The following SMARCC2 variants were observed in gnomAD, a reference collection of about 807,000 sequenced individuals.
The protein encoded by SMARCC2 is SWI/SNF complex subunit SMARCC2.
A neutral mutation model predicts 151.3 loss-of-function variants in SMARCC2; 15 were observed. The ratio of observed to expected loss-of-function variants is 0.10; its 90% CI spans 0.07 to 0.15. The LOEUF (loss-of-function observed/expected upper bound fraction) is 0.15, where lower values mean the gene tolerates loss of function less well. SMARCC2 is among the 10% of genes least tolerant of loss of function. The pLI, the probability that SMARCC2 is intolerant of heterozygous loss-of-function variation, is 1.00. For missense variants in SMARCC2, 1,031 were observed against 1,599.7 expected (o/e 0.64, Z 6.06); for synonymous variants, 590 against 609.5 (o/e 0.97, Z 0.47).
At position 56,187,311 on chromosome 12, in the gene SMARCC2, G is replaced by T; in HGVS notation, c.112-5C>A. On this transcript the variant is annotated splice_polypyrimidine_tract_variant and splice_region_variant and intron_variant, in intron 1 of 28. Coordinates refer to ENST00000550164, the MANE Select transcript of SMARCC2 (RefSeq NM_001330288.2). ...GGGTGGTTCAGCTTGTATATACTAA[G>T]GAAAAAGAGGGAAAGGAAAGAAAAA... The T allele has an allele frequency of 6.2e-7, 1 of 1,605,602 alleles. No homozygotes were observed. Among genetic ancestry groups the T allele is most frequent in the Non-Finnish European group, 8.5e-7 (1 of 1,175,066 alleles).
In SMARCC2 at chr12:56,172,506, A is replaced by C; in HGVS notation, c.1864-16T>G. ...CAGCCTTGCTCTGCAGGGGAAACAC[A>C]GGCAGGTGAGAAGAAAGGAGCCTGT... On this transcript the variant is annotated splice_polypyrimidine_tract_variant and intron_variant, in intron 19 of 28. Transcript: ENST00000550164. 6.2e-7 allele frequency: 1 copy of C among 1,606,382 alleles called. No individual in the cohort carries two copies. Among genetic ancestry groups the C allele is most frequent in the Non-Finnish European group, 8.5e-7 (1 of 1,174,942 alleles).
chr12:56,176,510 C>T (rs1364855687), intron 15 of SMARCC2, among the ~76,000 whole-genome samples: 2 of 152,140 alleles, frequency 1.3e-5, no homozygotes, highest in Non-Finnish European at 2.9e-5. Context: ...CGGAGTCTTG[C>T]TCTGTCGCCC....
chr12:56,162,459 G>T lies in SMARCC2; in HGVS notation c.*1230C>A, dbSNP rs1872003174. ...TTGAACAGAAGAAAGGTGCTAAGAC[G>T]CAGAGGGAGAGAAACATGGGGACAT... On this transcript the variant is annotated 3_prime_UTR_variant, in exon 29 of 29. Transcript: ENST00000550164. The T allele has an allele frequency of 1.7e-6, 1 of 593,222 alleles. No homozygotes were observed. Among genetic ancestry groups the T allele is most frequent in the Admixed American group, 3.1e-5 (1 of 32,246 alleles). 36.7% of individuals were successfully genotyped at this position (593,222 alleles called of 1,614,324 possible). A position where few individuals can be genotyped will look rare whatever the true frequency, so the allele number is the denominator to read the frequency against.
intron 2 of SMARCC2, among the ~76,000 whole-genome samples, chr12:56,186,448 T>C (rs1877274008): frequency 6.6e-6 from 1 of 151,678 alleles, no homozygotes; most frequent in African/African-American, 2.4e-5. Flanking sequence ...CCTCCCAGGT[T>C]CAAGCAATTC....
At chr12:56,180,528 C>T (rs1001967414) in intron 11 of SMARCC2, among the ~76,000 whole-genome samples, 7 of 151,446 alleles carry the variant, frequency 4.6e-5, no homozygotes, top group Admixed American at 6.6e-5. Context: ...CTCGGTCTCC[C>T]GAGTAGCTGG....
rs1565911167 is a variant in SMARCC2, at chr12:56,178,012, A to C, written c.1382+10T>G. 1 of 1,586,766 alleles carries C rather than the reference A, an allele frequency of 6.3e-7. No individual in the cohort carries two copies. The highest frequency in any genetic ancestry group is 8.6e-7 in the Non-Finnish European group (1 of 1,157,010). On this transcript the variant is annotated intron_variant, in intron 15 of 28. Coordinates refer to ENST00000550164, the MANE Select transcript of SMARCC2 (RefSeq NM_001330288.2). ...GGGAGAAGGAGAATCATGAGATGAG[A>C]TTTCCTTACATCTCTGGAGTCTTGG...
chr12:56,185,349 T>C (rs1877033756), intron 3 of SMARCC2: 1 of 458,862 alleles, frequency 2.2e-6, no homozygotes, highest in African/African-American at 2.0e-5. Flanking sequence ...TGGCTAATTT[T>C]TGTATTTTTA....
intron 18 of SMARCC2, 58 bp from the exon 19 acceptor site, chr12:56,172,762 G>A (rs1005728338): frequency 1.4e-5 from 22 of 1,607,228 alleles, no homozygotes; most frequent in Non-Finnish European, 1.9e-5. Context: ...GCCAGGGGCT[G>A]ACAGAGAGAA....
intron 1 of SMARCC2, among the ~76,000 whole-genome samples, chr12:56,188,131 C>G (rs973595418): frequency 6.6e-6 from 1 of 152,124 alleles, no homozygotes; most frequent in African/African-American, 2.4e-5. Flanking sequence ...AGGTAAATGA[C>G]AAAGAGCTAA....
chr12:56,184,272 A>C (rs778142296), intron 5 of SMARCC2, 28 bp from the exon 6 acceptor site: 6 of 1,550,656 alleles, frequency 3.9e-6, no homozygotes, highest in Non-Finnish European at 5.3e-6. Context: ...AAGCGGGTAA[A>C]TTATGGTCCC....
Position 56,187,160 on chromosome 12 carries a change from C to A in SMARCC2, c.231+27G>T, listed in dbSNP as rs759919932. On this transcript the variant is annotated intron_variant, in intron 2 of 28. Transcript: ENST00000550164. ...TGAAGGATTCACCACCACCACCCCCCACCCTCCCTGCTACTTCTGCACTCA... is the reference window on the plus strand; with the variant it reads ...TGAAGGATTCACCACCACCACCCCCAACCCTCCCTGCTACTTCTGCACTCA... The A allele has an allele frequency of 3.8e-6, 6 of 1,595,526 alleles. No homozygotes were observed. The South Asian group carries it at 4.5e-5, about 12-fold the overall frequency.
Position 56,174,627 on chromosome 12 carries a change from C to T in SMARCC2, c.1496+24G>A, listed in dbSNP as rs770966583. On this transcript the variant is annotated intron_variant, in intron 16 of 28. Transcript: ENST00000550164. ...ATAGGCAGGCATCCTCATGTACCCC[C>T]TTCCCCTCAGCCACAAGACCCACCT... The T allele has an allele frequency of 4.7e-6, 7 of 1,504,092 alleles. No individual in the cohort carries two copies. The African/African-American group carries it at 8.3e-5, about 18-fold the overall frequency. 93.2% of individuals were successfully genotyped at this position (1,504,092 alleles called of 1,614,324 possible). A position where few individuals can be genotyped will look rare whatever the true frequency, so the allele number is the denominator to read the frequency against.
intron 26 of SMARCC2, 65 bp downstream of exon 26, chr12:56,167,994 AC>A (rs1873162520): frequency 6.9e-7 from 1 of 1,439,448 alleles, no homozygotes; most frequent in Non-Finnish European, 9.6e-7. Context: ...ACACACACAC[AC>A]ACACGCCCCT....
In SMARCC2 at chr12:56,186,286, A is replaced by C. The variant is rs748882960; in HGVS notation, c.232-46T>G. On this transcript the variant is annotated intron_variant, in intron 2 of 28. Coordinates refer to ENST00000550164, the MANE Select transcript of SMARCC2 (RefSeq NM_001330288.2). ...AAAAGCATGTCAAGGTTCCACTGTA[A>C]ATTCTCTCATCACTTAATAATCTAA... The C allele has an allele frequency of 2.6e-5, 30 of 1,140,814 alleles. No individual in the cohort carries two copies. In the Middle Eastern group the frequency reaches 7.8e-4, roughly 30 times the overall value. The allele number at this position is 1,140,814 out of a possible 1,614,324, so 70.7% of individuals were successfully genotyped here. A position where few individuals can be genotyped will look rare whatever the true frequency, so the allele number is the denominator to read the frequency against.
chr12:56,171,578 A>T lies in SMARCC2; in HGVS notation c.2185+101T>A, dbSNP rs1176063183. On this transcript the variant is annotated intron_variant, in intron 21 of 28. Coordinates refer to ENST00000550164, the MANE Select transcript of SMARCC2 (RefSeq NM_001330288.2). This position sits in a 1 kb window ranked among gnomAD's most constrained non-coding sequence, Gnocchi z 4.2. ...GCCTGAGCTGAGGCCCGCACAGACAAGGCCAGCAGGGCAGCCAAACTTGAG... is the reference window on the plus strand; with the variant it reads ...GCCTGAGCTGAGGCCCGCACAGACATGGCCAGCAGGGCAGCCAAACTTGAG... 8.1e-6 allele frequency: 12 copies of T among 1,485,438 alleles called. No individual in the cohort carries two copies. Among genetic ancestry groups the T allele is most frequent in the African/African-American group, 1.4e-5 (1 of 71,290 alleles). The allele number at this position is 1,485,438 out of a possible 1,614,324, so 92.0% of individuals were successfully genotyped here. A position where few individuals can be genotyped will look rare whatever the true frequency, so the allele number is the denominator to read the frequency against.
At chr12:56,174,302 G>A (rs1450804299) in intron 16 of SMARCC2, among the ~76,000 whole-genome samples, 1 of 152,032 alleles carries the variant, frequency 6.6e-6, no homozygotes, top group South Asian at 2.1e-4. Flanking sequence ...TCTAGAGATG[G>A]GGTTTTGCCA....
At chr12:56,181,898 C>T in intron 8 of SMARCC2, 63 bp from the exon 9 acceptor site, 1 of 1,608,606 alleles carries the variant, frequency 6.2e-7, no homozygotes, top group Non-Finnish European at 8.5e-7. Flanking sequence ...GTCTGGGGAC[C>T]CTTAACAGAA....
chr12:56,184,734 A>C, intron 5 of SMARCC2, 110 bp downstream of exon 5: 1 of 681,556 alleles, frequency 1.5e-6, no homozygotes. Flanking sequence ...AAGTAGACAG[A>C]GCCACCTCTG....
chr12:56,167,826 C>A (rs1297912037), intron 26 of SMARCC2, among the ~76,000 whole-genome samples: 1 of 151,888 alleles, frequency 6.6e-6, no homozygotes, highest in East Asian at 1.9e-4. Flanking sequence ...CTGTTCCTGC[C>A]CTGCTCTGCT....
Sources: allele counts gnomAD v4.1 joint callset (sites outside exome capture counted in the v4.1 genomes callset), GRCh38; gene constraint gnomAD v4.1.1; non-coding constraint Gnocchi (gnomAD v3.1); transcripts MANE v1.5; gene names NCBI Gene and HGNC (gene_info 2026-07-23, HGNC 2026-07-21).